Variants in ATP8A2 observed in about 807,000 individuals in gnomAD.
The protein encoded by ATP8A2 is ATPase phospholipid transporting 8A2, also known as phospholipid-transporting ATPase IB.
ATP8A2 carries 100 observed loss-of-function variants against 165.6 expected under a neutral mutation model. The observed-to-expected ratio is 0.60, with a 90% CI of 0.51 to 0.71. The LOEUF (loss-of-function observed/expected upper bound fraction) is 0.71, where lower values mean the gene tolerates loss of function less well. Ranked by LOEUF, ATP8A2 falls within the 30% of genes least tolerant of loss-of-function variation. The pLI, the probability that ATP8A2 is intolerant of heterozygous loss-of-function variation, is 0.00. For synonymous variants in ATP8A2, 543 were observed against 548.8 expected, an observed-to-expected ratio of 0.99 and a Z score of 0.15; for missense variants, 1,227 against 1,479.5, an observed-to-expected ratio of 0.83 and a Z score of 2.80.
intron 25 of ATP8A2, among the ~76,000 whole-genome samples, chr13:25,765,750 C>A (rs893514504): frequency 2.0e-5 from 3 of 152,118 alleles, no homozygotes; most frequent in Non-Finnish European, 2.9e-5. Flanking sequence ...ACTTGAGATC[C>A]AAATCCCAGA....
chr13:25,411,771 A>ATGTGCAC lies in ATP8A2; in HGVS notation c.76+39483_76+39484insTGTGCAC, dbSNP rs2033973854. ...GCCGATACTGGAAGGCAGCACACAT[A>ATGTGCAC]ACTGTGAGTGCAATGTGATTGGAGA... On this transcript the variant is annotated intron_variant, in intron 1 of 36. Transcript: ENST00000381655. Among the ~76,000 whole-genome samples the ATGTGCAC allele has an allele frequency of 2.6e-5, 4 of 152,208 alleles. No individual in the cohort carries two copies. In the South Asian group the frequency reaches 8.3e-4, roughly 32 times the overall value.
intron 1 of ATP8A2, among the ~76,000 whole-genome samples, chr13:25,462,293 C>G (rs1418656038): frequency 1.3e-5 from 2 of 152,188 alleles, no homozygotes; most frequent in African/African-American, 4.8e-5. Flanking sequence ...CTTCAACGAC[C>G]AGCTGCAGGC....
chr13:25,514,347 C>T (rs2037396436), intron 2 of ATP8A2, among the ~76,000 whole-genome samples: 1 of 152,166 alleles, frequency 6.6e-6, no homozygotes, highest in African/African-American at 2.4e-5. Flanking sequence ...TCAGGTCTCC[C>T]CTTTCTTCTG....
rs186124919 is a variant in ATP8A2 at position 25,697,835 on chromosome 13, C to A, written c.2212-1338C>A. Among the ~76,000 whole-genome samples, 61 of 152,290 alleles carry A rather than the reference C, an allele frequency of 4.0e-4. 1 individual carries two copies. In the East Asian group the frequency reaches 6.9e-3, roughly 17 times the overall value. On this transcript the variant is annotated intron_variant, in intron 24 of 36. Transcript: ENST00000381655. ...GACTAGAACCCAGGTCATCTGACCACAATGCAGGGCTCTAGACTACATCTT... is the reference window on the plus strand; with the variant it reads ...GACTAGAACCCAGGTCATCTGACCAAAATGCAGGGCTCTAGACTACATCTT...
At position 25,558,361 on chromosome 13, in the gene ATP8A2, A is replaced by G. The variant is rs571965032; in HGVS notation, c.1264-612A>G. Among the ~76,000 whole-genome samples the G allele has an allele frequency of 2.6e-5, 4 of 151,822 alleles. No homozygotes were observed. In the East Asian group the frequency reaches 7.7e-4, roughly 29 times the overall value. On this transcript the variant is annotated intron_variant, in intron 13 of 36. Coordinates refer to ENST00000381655, the MANE Select transcript of ATP8A2 (RefSeq NM_016529.6). ...GCCCTAAGGTACGAGTATTATATGTAGATGTAGTATTTGACTTCTTTAGGA... is the reference window on the plus strand; with the variant it reads ...GCCCTAAGGTACGAGTATTATATGTGGATGTAGTATTTGACTTCTTTAGGA...
intron 29 of ATP8A2, 135 bp downstream of exon 29, chr13:25,837,420 CCACCACACA>C (rs1951641689): frequency 2.1e-5 from 13 of 625,256 alleles, no homozygotes; most frequent in East Asian, 6.3e-5. Flanking sequence ...ACTCACCCCA[CCACCACACA>C]CACACACACA....
At chr13:25,866,320 ATTAC>A (rs1414713837) in intron 33 of ATP8A2, among the ~76,000 whole-genome samples, 1 of 152,130 alleles carries the variant, frequency 6.6e-6, no homozygotes, top group Non-Finnish European at 1.5e-5. Flanking sequence ...ACCCAACCTA[ATTAC>A]TTTAGAGAAT....
At chr13:25,680,298 A>G (rs2042457840) in intron 24 of ATP8A2, among the ~76,000 whole-genome samples, 1 of 152,144 alleles carries the variant, frequency 6.6e-6, no homozygotes, top group African/African-American at 2.4e-5. Flanking sequence ...ATATAGGGAG[A>G]TCACCATGCG....
chr13:25,986,536 A>G (rs919457248), intron 35 of ATP8A2, among the ~76,000 whole-genome samples: 4 of 152,166 alleles, frequency 2.6e-5, no homozygotes, highest in African/African-American at 9.7e-5. Context: ...CAATGGCAAG[A>G]TTTCCTGTTT....
intron 30 of ATP8A2, among the ~76,000 whole-genome samples, chr13:25,842,871 G>A (rs1466583593): frequency 6.6e-6 from 1 of 152,136 alleles, no homozygotes; most frequent in South Asian, 2.1e-4. Context: ...TATGATCAGG[G>A]CAATTTGGGA....
intron 24 of ATP8A2, among the ~76,000 whole-genome samples, chr13:25,600,961 A>T (rs192568814): frequency 6.6e-6 from 1 of 152,348 alleles, no homozygotes; most frequent in East Asian, 1.9e-4. Flanking sequence ...ATTCCATAAA[A>T]GTCAGACCTT....
At chr13:25,808,057 C>A (rs1950780791) in intron 27 of ATP8A2, among the ~76,000 whole-genome samples, 1 of 151,426 alleles carries the variant, frequency 6.6e-6, no homozygotes, top group Admixed American at 6.6e-5. Context: ...TATTTAAAGA[C>A]AAGAAAGAGA....
Position 25,860,789 on chromosome 13 carries a change from CT to C in ATP8A2, c.3019-11del. On this transcript the variant is annotated splice_polypyrimidine_tract_variant and intron_variant, in intron 31 of 36. Transcript: ENST00000381655. ...TGAGAATAATGTGTTTCCAAACTGT[CT>C]TTTATTTTCACAGTATGTTGTTGTT... The C allele has an allele frequency of 6.3e-7, 1 of 1,581,710 alleles. No individual in the cohort carries two copies. The highest frequency in any genetic ancestry group is 8.6e-7 in the Non-Finnish European group (1 of 1,158,900).
At chr13:25,847,111 A>T (rs1056613211) in intron 30 of ATP8A2, among the ~76,000 whole-genome samples, 3 of 152,216 alleles carry the variant, frequency 2.0e-5, no homozygotes, top group African/African-American at 4.8e-5. Flanking sequence ...ATCTGGGAAG[A>T]CCTGCAGGGA....
At chr13:25,894,121 C>T (rs1193785501) in intron 33 of ATP8A2, among the ~76,000 whole-genome samples, 3 of 152,146 alleles carry the variant, frequency 2.0e-5, no homozygotes, top group Non-Finnish European at 2.9e-5. Context: ...GCCTATGTCC[C>T]GAATGGTATT....
rs569215924 is a variant in ATP8A2, at chr13:25,765,631, TG to T, written c.2385-3414del. The stretch of plus-strand genomic sequence containing the variant: ...GCTCCTAAAATACTACCGTATGACT[TG>T]CTTTATATACCCTGGTCAGGTTTTC... On this transcript the variant is annotated intron_variant, in intron 25 of 36. Transcript: ENST00000381655. Among the ~76,000 whole-genome samples the T allele has an allele frequency of 1.2e-3, 187 of 152,306 alleles. 1 individual carries two copies. The highest frequency in any genetic ancestry group is 4.3e-3 in the African/African-American group (178 of 41,558).
At chr13:25,717,440 C>A (rs8001302) in intron 25 of ATP8A2, among the ~76,000 whole-genome samples, 1,670 of 114,268 alleles carry the variant, frequency 0.015, 25 homozygotes, top group African/African-American at 0.069. Flanking sequence ...AAAAAAACAC[C>A]AAGGTAGGCA....
chr13:25,968,320 A>C (rs1955828855), intron 34 of ATP8A2, among the ~76,000 whole-genome samples: 1 of 152,044 alleles, frequency 6.6e-6, no homozygotes. Flanking sequence ...TGCTCGGCCG[A>C]CTTCCGGTTC....
At chr13:25,903,721 A>G (rs192764037) in intron 33 of ATP8A2, among the ~76,000 whole-genome samples, 1 of 152,294 alleles carries the variant, frequency 6.6e-6, no homozygotes, top group Non-Finnish European at 1.5e-5. Context: ...GGGGTCACTC[A>G]GATCCTCAGC....
Sources: allele counts gnomAD v4.1 joint callset (sites outside exome capture counted in the v4.1 genomes callset), GRCh38; gene constraint gnomAD v4.1.1; transcripts MANE v1.5; gene names NCBI Gene and HGNC (gene_info 2026-07-23, HGNC 2026-07-21).